UGT2B7: variants seen among roughly 807,000 people sequenced by gnomAD.
The protein encoded by UGT2B7 is UDP glucuronosyltransferase family 2 member B7.
UGT2B7 carries 51 observed loss-of-function variants against 51.9 expected under a neutral mutation model. The observed-to-expected ratio is 0.98, with a 90% confidence interval of 0.78 to 1.24. The LOEUF (loss-of-function observed/expected upper bound fraction) is 1.24, where lower values mean the gene tolerates loss of function less well. UGT2B7 is among the 50% of genes most tolerant of loss of function. UGT2B7 has a pLI of 0.00. For missense variants in UGT2B7, 727 were observed against 628.4 expected (o/e 1.16, Z -1.68); for synonymous variants, 225 against 211.6 (o/e 1.06, Z -0.55).
intron 1 of UGT2B7, among the ~76,000 whole-genome samples, chr4:69,081,476 GATTAA>G (rs368035183): frequency 3.8e-4 from 58 of 152,174 alleles, no homozygotes; most frequent in African/African-American, 1.3e-3. Flanking sequence ...CTTAAAACTA[GATTAA>G]ATTATTTTGC....
In UGT2B7 at chr4:69,096,932, A is replaced by G. The variant is rs1483788471; in HGVS notation, c.412A>G (p.Lys138Glu). The change falls in exon 1 of 6, where the codon AAA becomes GAA. Residue 138 changes from lysine (K) to glutamate (E), a missense_variant. Lys to Glu is a moderately conservative substitution (Grantham distance 56). Coordinates refer to ENST00000305231, the MANE Select transcript of UGT2B7 (RefSeq NM_001074.4). The part of the protein sequence containing the change: ...KDVVSNKKFM[K>E]KVQESRFDVI... ...TGTAGTTTCAAATAAGAAATTTATG[A>G]AAAAAGTACAAGAGTCAAGATTTGA... The G allele has an allele frequency of 6.2e-7, 1 of 1,611,984 alleles. No individual in the cohort carries two copies. Among genetic ancestry groups the G allele is most frequent in the Admixed American group, 1.7e-5 (1 of 59,458 alleles).
chr4:69,102,767 C>T, intron 2 of UGT2B7, 40 bp from the exon 3 acceptor site: 1 of 1,604,946 alleles, frequency 6.2e-7, no homozygotes, highest in South Asian at 1.1e-5. Context: ...GCCCGCTGTG[C>T]TAATACTCTT....
At position 69,085,949 on chromosome 4, in the gene UGT2B7, G is replaced by A. The variant is rs145855722; in HGVS notation, c.-158-3523G>A. 2.3e-3 allele frequency among the ~76,000 whole-genome samples: 351 copies of A among 151,302 alleles called. 2 individuals are homozygous for A. Among genetic ancestry groups the A allele is most frequent in the African/African-American group, 7.7e-3 (319 of 41,392 alleles). On this transcript the variant is annotated intron_variant, in intron 1 of 5. Transcript: ENST00000502942. Reference sequence around the variant, plus strand: ...TTAGCTGAAGCTTTTTAAATTTTACGTATTCAATAAACCGTTTTGTCTTGT... The same window carrying A: ...TTAGCTGAAGCTTTTTAAATTTTACATATTCAATAAACCGTTTTGTCTTGT...
At chr4:69,059,313 G>A (rs969298217) in intron 1 of UGT2B7, among the ~76,000 whole-genome samples, 10 of 152,164 alleles carry the variant, frequency 6.6e-5, no homozygotes, top group Non-Finnish European at 1.3e-4. Flanking sequence ...TGGTCAAAGA[G>A]GTGTGTTATA....
At chr4:69,073,635 G>T (rs928106576) in intron 1 of UGT2B7, among the ~76,000 whole-genome samples, 7 of 152,116 alleles carry the variant, frequency 4.6e-5, no homozygotes, top group Admixed American at 2.0e-4. Flanking sequence ...CAAGAGTTAA[G>T]TCAGAATGAA....
At chr4:69,079,547 T>C (rs1195711121) in intron 1 of UGT2B7, among the ~76,000 whole-genome samples, 2 of 152,178 alleles carry the variant, frequency 1.3e-5, no homozygotes, top group African/African-American at 4.8e-5. Context: ...GACAGGTCTT[T>C]CTTGATTTAC....
chr4:69,059,130 C>T (rs1399028967), intron 1 of UGT2B7, among the ~76,000 whole-genome samples: 1 of 152,202 alleles, frequency 6.6e-6, no homozygotes, highest in Non-Finnish European at 1.5e-5. Context: ...GGCTGCTTCT[C>T]TTTGGGCCCT....
In UGT2B7 at chr4:69,098,520, T is replaced by G. The variant is rs200202722; in HGVS notation, c.722-20T>G. The G allele has an allele frequency of 2.5e-6, 4 of 1,585,454 alleles. No homozygotes were observed. Among genetic ancestry groups the G allele is most frequent in the Non-Finnish European group, 3.4e-6 (4 of 1,172,730 alleles). ...TAATTATCTTGTGTCATCCACCTTTTTTTTTTCTATTCCTGTCAGGAAGAC... is the reference window on the plus strand; with the variant it reads ...TAATTATCTTGTGTCATCCACCTTTGTTTTTTCTATTCCTGTCAGGAAGAC... On this transcript the variant is annotated intron_variant, in intron 1 of 5. Coordinates refer to ENST00000305231, the MANE Select transcript of UGT2B7 (RefSeq NM_001074.4).
intron 1 of UGT2B7, among the ~76,000 whole-genome samples, chr4:69,059,384 G>A (rs1326305913): frequency 6.6e-6 from 1 of 152,204 alleles, no homozygotes; most frequent in African/African-American, 2.4e-5. Context: ...TTGCTGGGAA[G>A]AGACCTACTT....
chr4:69,052,732 GA>G (rs1488772987), intron 1 of UGT2B7, among the ~76,000 whole-genome samples: 2 of 116,830 alleles, frequency 1.7e-5, no homozygotes, highest in African/African-American at 3.6e-5. Flanking sequence ...TGGAAGTCGT[GA>G]AAAAAAGTTA....
intron 1 of UGT2B7, among the ~76,000 whole-genome samples, chr4:69,075,935 C>A (rs1043010945): frequency 2.6e-5 from 4 of 152,054 alleles, no homozygotes; most frequent in Non-Finnish European, 5.9e-5. Flanking sequence ...CCCTAGCCCC[C>A]CTCCCCATAA....
chr4:69,097,183 C>G lies in UGT2B7; in HGVS notation c.663C>G (p.Asp221Glu). 1.2e-6 allele frequency: 2 copies of G among 1,612,670 alleles called. No individual in the cohort carries two copies. The highest frequency in any genetic ancestry group is 2.2e-5 in the South Asian group (2 of 90,894). Reference sequence around the variant, plus strand: ...ATATGATCTATGTGCTTTACTTTGACTTTTGGTTCGAAATATTTGACATGA... The same window carrying G: ...ATATGATCTATGTGCTTTACTTTGAGTTTTGGTTCGAAATATTTGACATGA... ...VKNMIYVLYFDFWFEIFDMKK... is the reference protein window; with the variant it reads ...VKNMIYVLYFEFWFEIFDMKK... The change falls in exon 1 of 6, where the codon GAC (aspartate) becomes GAG (glutamate). Residue 221 changes from aspartate (D) to glutamate (E), a missense_variant. Transcript: ENST00000305231.
chr4:69,110,462 A>G (rs893079610), intron 5 of UGT2B7, among the ~76,000 whole-genome samples: 1 of 94,786 alleles, frequency 1.1e-5, no homozygotes, highest in African/African-American at 6.0e-5. Context: ...TAAATCTAAT[A>G]CCATATAGAA....
rs566156360 is a variant in UGT2B7, at chr4:69,097,935, T to G, written c.722-605T>G. ...ACAAATTAAGGTTGAGTACAAATTTTTATTTCAATAATTTCTCAAAAATTT... is the reference window on the plus strand; with the variant it reads ...ACAAATTAAGGTTGAGTACAAATTTGTATTTCAATAATTTCTCAAAAATTT... On this transcript the variant is annotated intron_variant, in intron 1 of 5. Transcript: ENST00000305231. Among the ~76,000 whole-genome samples the G allele has an allele frequency of 2.0e-5, 3 of 152,168 alleles. No individual in the cohort carries two copies. The East Asian group carries it at 5.8e-4, about 29-fold the overall frequency.
intron 1 of UGT2B7, among the ~76,000 whole-genome samples, chr4:69,066,835 A>AGTGC (rs1718492511): frequency 6.6e-6 from 1 of 152,092 alleles, no homozygotes; most frequent in South Asian, 2.1e-4. Flanking sequence ...AGATGTTGCA[A>AGTGC]ATGCAACTGA....
At chr4:69,088,808 T>G (rs912222634) in intron 1 of UGT2B7, among the ~76,000 whole-genome samples, 14 of 152,074 alleles carry the variant, frequency 9.2e-5, no homozygotes, top group African/African-American at 3.1e-4. Flanking sequence ...TCTCCTGAGG[T>G]AGGACAAAAG....
chr4:69,105,991 G>A (rs529239473), intron 3 of UGT2B7, among the ~76,000 whole-genome samples: 5 of 151,936 alleles, frequency 3.3e-5, no homozygotes, highest in South Asian at 2.1e-4. Flanking sequence ...AAATAAGCAC[G>A]CAGGTCATTA....
intron 1 of UGT2B7, among the ~76,000 whole-genome samples, chr4:69,064,091 A>AGAAG (rs1718428912): frequency 9.9e-6 from 1 of 101,382 alleles, no homozygotes; most frequent in Non-Finnish European, 1.9e-5. Flanking sequence ...AAAGAAAGAA[A>AGAAG]GAAAGAGAAA....
At position 69,097,073 on chromosome 4, in the gene UGT2B7, G is replaced by A. The variant is rs1191706390; in HGVS notation, c.553G>A (p.Gly185Arg). The A allele has an allele frequency of 6.2e-7, 1 of 1,613,720 alleles. No individual in the cohort carries two copies. The highest frequency in any genetic ancestry group is 1.1e-5 in the South Asian group (1 of 91,080). The change falls in exon 1 of 6, where the codon GGA (glycine) becomes AGA (arginine). Residue 185 changes from glycine (G) to arginine (R), a missense_variant. Transcript: ENST00000305231. The stretch of plus-strand genomic sequence containing the variant: ...TGGCTACACTTTTGAAAAGCATAGT[G>A]GAGGATTTATTTTCCCTCCTTCCTA... ...SPGYTFEKHS[G>R]GFIFPPSYVP...
Sources: gnomAD v4.1 joint callset for allele counts (sites outside exome capture counted in the v4.1 genomes callset) on GRCh38, gnomAD v4.1.1 for gene constraint, MANE v1.5 for transcripts, NCBI Gene and HGNC (gene_info 2026-07-23, HGNC 2026-07-21) for gene names.